Variants in CHN1 observed in about 807,000 individuals in gnomAD.
CHN1 encodes the protein chimerin 1.
CHN1 carries 37 observed loss-of-function variants against 59.5 expected under a neutral mutation model. The ratio of observed to expected loss-of-function variants is 0.62; its 90% CI spans 0.48 to 0.82. The LOEUF (loss-of-function observed/expected upper bound fraction) is 0.82, where lower values mean the gene tolerates loss of function less well. CHN1 is among the 40% of genes least tolerant of loss of function. The pLI, the probability that CHN1 is intolerant of heterozygous loss-of-function variation, is 0.00. For missense variants in CHN1, 469 were observed against 571.0 expected (o/e 0.82, Z 1.82); for synonymous variants, 206 against 200.4 (o/e 1.03, Z -0.24).
At chr2:174,886,524 C>A (rs1687900706) in intron 5 of CHN1, among the ~76,000 whole-genome samples, 1 of 152,144 alleles carries the variant, frequency 6.6e-6, no homozygotes, top group South Asian at 2.1e-4. Flanking sequence ...GGAAACAAGA[C>A]AAAAGGATTT....
chr2:174,893,931 G>C (rs986436381), intron 5 of CHN1, among the ~76,000 whole-genome samples: 2 of 152,088 alleles, frequency 1.3e-5, no homozygotes, highest in African/African-American at 4.8e-5. Flanking sequence ...ATATGCAAAG[G>C]AATCATCTGT....
intron 1 of CHN1, among the ~76,000 whole-genome samples, chr2:174,978,572 T>C (rs1010374800): frequency 2.6e-5 from 4 of 152,226 alleles, no homozygotes; most frequent in Admixed American, 1.3e-4. Context: ...GCTCATACTT[T>C]GCCCTGCACC....
intron 5 of CHN1, among the ~76,000 whole-genome samples, chr2:174,908,144 A>G (rs532427148): frequency 2.3e-4 from 35 of 152,296 alleles, no homozygotes; most frequent in Admixed American, 5.9e-4. Context: ...TCTTCTCCCA[A>G]TTTAGAGAAG....
At chr2:174,937,637 A>G (rs1689536752) in intron 3 of CHN1, among the ~76,000 whole-genome samples, 1 of 151,556 alleles carries the variant, frequency 6.6e-6, no homozygotes, top group East Asian at 1.9e-4. Flanking sequence ...ATGATCCCCA[A>G]TGTTGGGGAC....
chr2:174,957,963 C>T (rs1398628470), intron 1 of CHN1, among the ~76,000 whole-genome samples: 2 of 151,954 alleles, frequency 1.3e-5, no homozygotes, highest in Admixed American at 6.6e-5. Context: ...ACACCGAGGC[C>T]GGGAGAGCTT....
rs568898695 is a variant in CHN1 at position 174,830,212 on chromosome 2, T to TAC, written c.628-5696_628-5695dup. ...CGTGCCACTGCACTCCAGCCTGGGC[T>TAC]ACAGAGCAAGACTCTGTCTCAAAAA... On this transcript the variant is annotated intron_variant, in intron 7 of 12. Coordinates refer to ENST00000409900, the MANE Select transcript of CHN1 (RefSeq NM_001822.7). Among the ~76,000 whole-genome samples, 356 of 151,654 alleles carry TAC rather than the reference T, an allele frequency of 2.3e-3. 5 individuals are homozygous for TAC. Among genetic ancestry groups the TAC allele is most frequent in the African/African-American group, 7.7e-3 (316 of 41,160 alleles).
At chr2:175,004,790 A>T in intron 1 of CHN1, 104 bp downstream of exon 1, 1 of 552,970 alleles carries the variant, frequency 1.8e-6, no homozygotes, top group Non-Finnish European at 2.3e-6. Flanking sequence ...CCCCGACCCC[A>T]CGCGCCGCGC....
At chr2:174,878,245 T>C (rs1687634715) in intron 5 of CHN1, 117 bp from the exon 6 acceptor site, 1 of 906,178 alleles carries the variant, frequency 1.1e-6, no homozygotes, top group Admixed American at 3.0e-5. Context: ...TCTTCTTTGT[T>C]TAAATAAGCT....
At chr2:174,831,220 A>G (rs1407103669) in intron 7 of CHN1, among the ~76,000 whole-genome samples, 1 of 152,222 alleles carries the variant, frequency 6.6e-6, no homozygotes, top group Non-Finnish European at 1.5e-5. Flanking sequence ...ATAAAAATAC[A>G]TTTACCACAA....
At position 175,005,333 on chromosome 2, in the gene CHN1, T is replaced by C. The variant is rs1187506805; in HGVS notation, c.-421A>G. On this transcript the variant is annotated 5_prime_UTR_variant, in exon 1 of 13. Coordinates refer to ENST00000409900, the MANE Select transcript of CHN1 (RefSeq NM_001822.7). ...ACAGCCCCCGGCGGGGCGCGCTCAC[T>C]CCGCATCCCGCGGCCTCGCAGACGC... 5 of 1,161,034 alleles carry C rather than the reference T, an allele frequency of 4.3e-6. No individual in the cohort carries two copies. Among genetic ancestry groups the C allele is most frequent in the Non-Finnish European group, 5.4e-6 (5 of 925,246 alleles). 71.9% of individuals were successfully genotyped at this position (1,161,034 alleles called of 1,614,324 possible).
At chr2:174,969,817 T>C (rs1302082431) in intron 1 of CHN1, among the ~76,000 whole-genome samples, 1 of 152,182 alleles carries the variant, frequency 6.6e-6, no homozygotes, top group African/African-American at 2.4e-5. Context: ...TTTTGTCATC[T>C]GTTGTCACAC....
At chr2:174,802,946 G>C (rs555659232) in intron 11 of CHN1, among the ~76,000 whole-genome samples, 27 of 152,178 alleles carry the variant, frequency 1.8e-4, no homozygotes, top group Admixed American at 1.8e-3. Context: ...GCTGAGGCAG[G>C]AGAATTACTT....
intron 1 of CHN1, among the ~76,000 whole-genome samples, chr2:174,971,145 C>T (rs755892200): frequency 2.3e-4 from 35 of 152,106 alleles, no homozygotes; most frequent in Admixed American, 7.9e-4. Flanking sequence ...GGTGAAACCC[C>T]GTCTCTACTA....
At chr2:174,919,438 A>G (rs1272711736) in intron 3 of CHN1, among the ~76,000 whole-genome samples, 1 of 149,712 alleles carries the variant, frequency 6.7e-6, no homozygotes, top group Admixed American at 6.7e-5. Flanking sequence ...GGAACAGCAA[A>G]AAAGCTTTTC....
chr2:174,926,394 G>A (rs1027398176), intron 3 of CHN1, among the ~76,000 whole-genome samples: 4 of 151,664 alleles, frequency 2.6e-5, no homozygotes, highest in African/African-American at 9.7e-5. Flanking sequence ...TGTAGAGATG[G>A]GTGTGAAAGA....
intron 7 of CHN1, among the ~76,000 whole-genome samples, chr2:174,841,261 CA>C (rs1318910890): frequency 6.6e-6 from 1 of 152,134 alleles, no homozygotes; most frequent in Non-Finnish European, 1.5e-5. Context: ...GCCAGCATGA[CA>C]AACCATAAGG....
Position 174,869,503 on chromosome 2 carries a change from G to GA in CHN1, c.549+8336_549+8337insT, listed in dbSNP as rs1483631994. On this transcript the variant is annotated intron_variant, in intron 6 of 12. Coordinates refer to ENST00000409900, the MANE Select transcript of CHN1 (RefSeq NM_001822.7). ...TTTTCTTGTCCTAATAGAAATCCTG[G>GA]GGTCTGGGTGGGGGTAAGATTTTCT... Among the ~76,000 whole-genome samples the GA allele has an allele frequency of 1.1e-4, 13 of 118,754 alleles. No individual in the cohort carries two copies. The Admixed American group carries it at 1.2e-3, about 11-fold the overall frequency. 77.9% of individuals were successfully genotyped at this position (118,754 alleles called of 152,430 possible).
intron 1 of CHN1, among the ~76,000 whole-genome samples, chr2:174,995,460 C>T (rs72923198): frequency 2.6e-5 from 4 of 152,184 alleles, no homozygotes; most frequent in East Asian, 1.9e-4. Flanking sequence ...TTTCCATGGA[C>T]GGTGGGGGGA....
chr2:175,001,974 GA>G (rs1691903822), intron 1 of CHN1, among the ~76,000 whole-genome samples: 2 of 152,180 alleles, frequency 1.3e-5, no homozygotes. Context: ...AGCCTATACG[GA>G]ATTAGTTAAT....
Sources: allele counts gnomAD v4.1 joint callset (sites outside exome capture counted in the v4.1 genomes callset), GRCh38; gene constraint gnomAD v4.1.1; transcripts MANE v1.5; gene names NCBI Gene and HGNC (gene_info 2026-07-23, HGNC 2026-07-21).